Variants in NUP210L observed in about 807,000 individuals in gnomAD.
NUP210L encodes the protein nucleoporin 210 like.
A neutral mutation model predicts 208.5 loss-of-function variants in NUP210L; 74 were observed. That is an observed-to-expected ratio of 0.35 (90% CI 0.29 to 0.43). The LOEUF is 0.43. Ranked by LOEUF, NUP210L falls within the 20% of genes least tolerant of loss-of-function variation. The pLI is 1.00. For missense variants in NUP210L, 1,843 were observed against 2,289.4 expected (o/e 0.81, Z 3.98); for synonymous variants, 780 against 816.9 (o/e 0.95, Z 0.77).
At chr1:154,081,374 T>C (rs1655314710) in intron 16 of NUP210L, among the ~76,000 whole-genome samples, 1 of 152,192 alleles carries the variant, frequency 6.6e-6, no homozygotes, top group Non-Finnish European at 1.5e-5. Flanking sequence ...TAATCTATAA[T>C]AAAGAGGTTG....
At chr1:154,072,008 GTTTC>G (rs1654763304) in intron 16 of NUP210L, among the ~76,000 whole-genome samples, 1 of 151,334 alleles carries the variant, frequency 6.6e-6, no homozygotes, top group Non-Finnish European at 1.5e-5. Context: ...GTGTATCACA[GTTTC>G]TTTATCCACT....
At chr1:154,046,935 G>A (rs1293843395) in intron 25 of NUP210L, among the ~76,000 whole-genome samples, 4 of 152,194 alleles carry the variant, frequency 2.6e-5, no homozygotes, top group African/African-American at 9.7e-5. Context: ...GCATGTGCCT[G>A]TAGTCTTAGC....
intron 27 of NUP210L, among the ~76,000 whole-genome samples, chr1:154,031,021 T>A (rs1652184244): frequency 6.6e-6 from 1 of 152,174 alleles, no homozygotes; most frequent in African/African-American, 2.4e-5. Context: ...GTGTTGCAAT[T>A]ACAGGCGTGA....
At chr1:154,057,421 T>G (rs542681975) in intron 22 of NUP210L, among the ~76,000 whole-genome samples, 2 of 152,076 alleles carry the variant, frequency 1.3e-5, no homozygotes, top group African/African-American at 4.8e-5. Context: ...GGAAGGCTCC[T>G]GAGAGGCAAA....
rs762957557 is a variant in NUP210L at position 153,993,101 on chromosome 1, A to G, written c.5492-12T>C. On this transcript the variant is annotated splice_polypyrimidine_tract_variant and intron_variant, in intron 38 of 39. Transcript: ENST00000368559. ...GAAGGCATTGTATGCTGGAAAAAGG[A>G]CAGGAAATGTCACAAGGCATATCTG... 1 of 1,606,684 alleles carries G rather than the reference A, an allele frequency of 6.2e-7. No individual in the cohort carries two copies. Among genetic ancestry groups the G allele is most frequent in the Non-Finnish European group, 8.5e-7 (1 of 1,175,674 alleles).
At chr1:154,035,924 A>AG (rs1207977160) in intron 27 of NUP210L, among the ~76,000 whole-genome samples, 2 of 149,124 alleles carry the variant, frequency 1.3e-5, no homozygotes, top group Non-Finnish European at 3.0e-5. Flanking sequence ...TAGTAGAGAC[A>AG]GGGTTTCACC....
chr1:154,060,625 A>G, exon 20 of NUP210L: 1 of 1,611,406 alleles, frequency 6.2e-7, no homozygotes, highest in South Asian at 1.1e-5. Flanking sequence ...AGATCCTTCC[A>G]CAAGGCTAAA....
intron 32 of NUP210L, among the ~76,000 whole-genome samples, chr1:154,021,210 G>A (rs886920559): frequency 6.6e-6 from 1 of 152,218 alleles, no homozygotes; most frequent in Non-Finnish European, 1.5e-5. Flanking sequence ...AAAGTGCTGG[G>A]ATTACAGGCA....
At position 154,114,778 on chromosome 1, in the gene NUP210L, TGG is replaced by T. The variant is rs34339959; in HGVS notation, c.1620+2945_1620+2946del. Among the ~76,000 whole-genome samples the T allele has an allele frequency of 8.9e-3, 1,253 of 140,460 alleles. 20 individuals carry two copies. Among genetic ancestry groups the T allele is most frequent in the African/African-American group, 0.024 (927 of 38,078 alleles). 92.1% of individuals were successfully genotyped at this position (140,460 alleles called of 152,430 possible). The stretch of plus-strand genomic sequence containing the variant: ...CCTGGTTAATTTTTTTTTTAAGAGA[TGG>T]GGGGGGGGGTCTTGCTTTGTTGTCC... On this transcript the variant is annotated intron_variant, in intron 12 of 39. Coordinates refer to ENST00000368559, the Ensembl canonical transcript of NUP210L.
intron 16 of NUP210L, among the ~76,000 whole-genome samples, chr1:154,087,320 CA>C (rs1185085313): frequency 0.014 from 858 of 59,730 alleles, 9 homozygotes; most frequent in South Asian, 0.037. Context: ...AGCTCCATCT[CA>C]AAAAAAAAAA....
chr1:153,995,878 A>C, intron 37 of NUP210L: 1 of 566,164 alleles, frequency 1.8e-6, no homozygotes, highest in Non-Finnish European at 3.4e-6. Flanking sequence ...TGTGTTCGTG[A>C]CTGGATCAAG....
At chr1:154,094,984 T>A in exon 15 of NUP210L, 1 of 1,614,140 alleles carries the variant, frequency 6.2e-7, no homozygotes, top group Non-Finnish European at 8.5e-7. Context: ...CTGGTTCTGT[T>A]TTCTCTTAGA....
intron 37 of NUP210L, among the ~76,000 whole-genome samples, chr1:153,996,221 G>A (rs1429280316): frequency 2.0e-5 from 3 of 151,878 alleles, no homozygotes; most frequent in East Asian, 1.9e-4. Flanking sequence ...GAACCCGGGA[G>A]GCGGAGCTAG....
In NUP210L at chr1:153,993,026, GTT is replaced by G; in HGVS notation, c.5553_5554del (p.Pro1853ThrfsTer6). On this transcript the variant is annotated frameshift_variant, in exon 39 of 40. Transcript: ENST00000368559. LOFTEE classifies it low-confidence loss of function (END_TRUNC). ...AGAGGCTTTTTTACCTGGCTGTGGT[GTT>G]CCTAGAGTTGGTACATACACAACTG... 6.2e-7 allele frequency: 1 copy of G among 1,613,606 alleles called. No homozygotes were observed. The highest frequency in any genetic ancestry group is 8.5e-7 in the Non-Finnish European group (1 of 1,179,726).
intron 10 of NUP210L, among the ~76,000 whole-genome samples, chr1:154,120,770 C>A (rs1311252994): frequency 6.6e-6 from 1 of 151,496 alleles, no homozygotes; most frequent in Non-Finnish European, 1.5e-5. Flanking sequence ...GTGGCATGCA[C>A]CTGTAATCCC....
chr1:154,084,811 T>G (rs1415769734), intron 16 of NUP210L, among the ~76,000 whole-genome samples: 1 of 145,726 alleles, frequency 6.9e-6, no homozygotes, highest in Non-Finnish European at 1.5e-5. Flanking sequence ...AAGGCTGGGG[T>G]TGGGGGGAGG....
At chr1:154,025,307 A>G (rs1037557234) in intron 30 of NUP210L, among the ~76,000 whole-genome samples, 4 of 145,960 alleles carry the variant, frequency 2.7e-5, no homozygotes, top group South Asian at 4.3e-4. Context: ...CTGGCCTCTT[A>G]TAGGTTCATT....
At chr1:154,139,712 G>T in intron 5 of NUP210L, 90 bp downstream of exon 5, 1 of 891,060 alleles carries the variant, frequency 1.1e-6, no homozygotes, top group Non-Finnish European at 1.7e-6. Flanking sequence ...AACAGGGCGG[G>T]TAGTGCATTC....
chr1:154,146,243 T>A (rs1432173415), intron 2 of NUP210L, among the ~76,000 whole-genome samples: 1 of 152,088 alleles, frequency 6.6e-6, no homozygotes, highest in Non-Finnish European at 1.5e-5. Flanking sequence ...AATAACAGAA[T>A]AAATTATAAC....
Sources: gnomAD v4.1 joint callset for allele counts (sites outside exome capture counted in the v4.1 genomes callset) on GRCh38, gnomAD v4.1.1 for gene constraint, MANE v1.5 for transcripts, NCBI Gene and HGNC (gene_info 2026-07-23, HGNC 2026-07-21) for gene names.